The following FCHO1 variants were observed in gnomAD, a reference collection of about 807,000 sequenced individuals.
FCHO1 encodes F-BAR domain only protein 1.
FCHO1 carries 45 observed loss-of-function variants against 114.4 expected under a neutral mutation model. The observed-to-expected ratio is 0.39, with a 90% confidence interval of 0.31 to 0.50. The LOEUF is 0.50. Ranked by LOEUF, FCHO1 falls within the 20% of genes least tolerant of loss-of-function variation. FCHO1 has a pLI of 0.77. For synonymous variants in FCHO1, 480 were observed against 488.9 expected, an observed-to-expected ratio of 0.98 and a Z score of 0.24; for missense variants, 1,042 against 1,209.6, an observed-to-expected ratio of 0.86 and a Z score of 2.06.
At chr19:17,769,065 C>T (rs1370522153) in intron 7 of FCHO1, among the ~76,000 whole-genome samples, 5 of 150,236 alleles carry the variant, frequency 3.3e-5, no homozygotes, top group African/African-American at 4.9e-5. Flanking sequence ...CACCTGAAGT[C>T]GGGAGTTCAA....
chr19:17,747,829 C>G (rs939767578), upstream of FCHO1: 2 of 152,190 alleles, frequency 1.3e-5, no homozygotes, highest in African/African-American at 4.8e-5. Context: ...GTGTTGCCCC[C>G]CGGAACCCCC....
In FCHO1 at chr19:17,775,268, T is replaced by C. The variant is rs982013936; in HGVS notation, c.945+188T>C. ...CCATGGACTACGTGGGTGTGAATAA[T>C]GTCCCTGCCGAAGCTCAGTTTGTCC... On this transcript the variant is annotated intron_variant, in intron 14 of 28. Coordinates refer to ENST00000596536, the MANE Select transcript of FCHO1 (RefSeq NM_015122.3). The surrounding 1 kb of genome is among the most constrained non-coding windows in gnomAD (Gnocchi z 5.1). 4.6e-5 allele frequency among the ~76,000 whole-genome samples: 7 copies of C among 152,142 alleles called. No individual in the cohort carries two copies. The East Asian group carries it at 1.3e-3, about 29-fold the overall frequency.
chr19:17,753,643 T>C (rs2161489), intron 1 of FCHO1: 131,145 of 152,192 alleles, frequency 0.86, 57,145 homozygotes, highest in Middle Eastern at 0.93. Flanking sequence ...GGAGGCTCAA[T>C]GATAATGGGT....
intron 27 of FCHO1, 119 bp from the exon 28 acceptor site, chr19:17,787,563 C>T: frequency 8.6e-7 from 1 of 1,158,796 alleles, no homozygotes; most frequent in Non-Finnish European, 1.2e-6. Context: ...AAAGGGAGGT[C>T]TGATGGGGCA....
At chr19:17,750,977 G>C (rs1445079105), upstream of FCHO1, among the ~76,000 whole-genome samples, 2 of 152,078 alleles carry the variant, frequency 1.3e-5, no homozygotes, top group East Asian at 3.9e-4. Context: ...GAGTAGCTGG[G>C]ACTACAGGCA....
At chr19:17,751,143 T>A (rs565197067), upstream of FCHO1, among the ~76,000 whole-genome samples, 1 of 152,308 alleles carries the variant, frequency 6.6e-6, no homozygotes, top group Admixed American at 6.5e-5. The surrounding 1 kb of genome is among the most constrained non-coding windows in gnomAD (Gnocchi z 4.4). Flanking sequence ...CCTGGCCATG[T>A]CTTCCCCTTT....
In FCHO1 at chr19:17,774,432, C is replaced by T; in HGVS notation, c.874C>T (p.Pro292Ser). The T allele has an allele frequency of 6.2e-7, 1 of 1,613,922 alleles. No homozygotes were observed. The highest frequency in any genetic ancestry group is 8.5e-7 in the Non-Finnish European group (1 of 1,180,026). The change falls in exon 13 of 29, where the codon CCA (proline) becomes TCA (serine). Residue 292 changes from proline to serine, a missense_variant. By Grantham distance (74) the Pro-to-Ser change is moderately conservative. Transcript: ENST00000596536. ...RLRGAKAFRL[P>S]GLSRREREPE... ...GCGGGGAGCCAAGGCCTTTCGCCTT[C>T]CAGGACTAAGCCGGCGGGAGCGGGA...
intron 24 of FCHO1, 126 bp downstream of exon 24, chr19:17,783,298 G>T (rs1157381120): frequency 3.0e-5 from 31 of 1,047,718 alleles, no homozygotes; most frequent in Non-Finnish European, 3.9e-5. Context: ...ACGGAGTCTT[G>T]CTCTGTCGCC....
chr19:17,761,401 CT>C (rs11452853), intron 4 of FCHO1, among the ~76,000 whole-genome samples: 1,595 of 145,724 alleles, frequency 0.011, 38 homozygotes, highest in African/African-American at 0.038. Context: ...ATTTAACACA[CT>C]TTTTTTTTTT....
chr19:17,776,464 A>G lies in FCHO1; in HGVS notation c.1208-171A>G, dbSNP rs1283718422. ...TGAAAGGGGTAGCTGGGGCCAGGAG[A>G]AGCTAGCATCTGGAGACAGGCTCGC... On this transcript the variant is annotated intron_variant, in intron 17 of 28. Transcript: ENST00000596536. This position sits in a 1 kb window ranked among gnomAD's most constrained non-coding sequence, Gnocchi z 4.4. Among the ~76,000 whole-genome samples, 5 of 152,086 alleles carry G rather than the reference A, an allele frequency of 3.3e-5. No individual in the cohort carries two copies. Among genetic ancestry groups the G allele is most frequent in the Admixed American group, 1.3e-4 (2 of 15,262 alleles).
At chr19:17,783,753 G>A (rs1368042646) in intron 24 of FCHO1, among the ~76,000 whole-genome samples, 1 of 151,770 alleles carries the variant, frequency 6.6e-6, no homozygotes, top group Non-Finnish European at 1.5e-5. Context: ...GCTGATTTTT[G>A]TATTTTTAGT....
At chr19:17,754,563 C>T (rs368974589) in intron 2 of FCHO1, 29 bp from the exon 3 acceptor site, 10 of 156,400 alleles carry the variant, frequency 6.4e-5, no homozygotes, top group African/African-American at 2.4e-4. Flanking sequence ...GCCCCTGCAT[C>T]TATTTCTCTT....
chr19:17,764,771 G>A (rs1568332096), intron 6 of FCHO1, among the ~76,000 whole-genome samples: 1 of 152,072 alleles, frequency 6.6e-6, no homozygotes, highest in Non-Finnish European at 1.5e-5. Context: ...GAGGTGAAAA[G>A]TGCTGGGAAG....
At chr19:17,755,396 T>C in intron 4 of FCHO1, 1 of 540,678 alleles carries the variant, frequency 1.8e-6, no homozygotes, top group Non-Finnish European at 3.3e-6. Context: ...GGGCAAGTCA[T>C]AGCTTGTGTC....
chr19:17,752,657 G>C (rs1286132693), intron 1 of FCHO1, among the ~76,000 whole-genome samples: 1 of 151,864 alleles, frequency 6.6e-6, no homozygotes, highest in African/African-American at 2.4e-5. Flanking sequence ...CCAGCACTTT[G>C]GGGGTCCCAG....
At position 17,776,204 on chromosome 19, in the gene FCHO1, G is replaced by A; in HGVS notation, c.1182+43G>A. On this transcript the variant is annotated intron_variant, in intron 16 of 28. Coordinates refer to ENST00000596536, the MANE Select transcript of FCHO1 (RefSeq NM_015122.3). The surrounding 1 kb of genome is among the most constrained non-coding windows in gnomAD (Gnocchi z 4.4). ...TGCCCTGGGTGTTGCTAGAGAGGCT[G>A]GCTGGATGCATTCGTGTGTGATGTT... 6.2e-7 allele frequency: 1 copy of A among 1,614,104 alleles called. No homozygotes were observed.
chr19:17,756,047 A>G (rs200655183), intron 4 of FCHO1, among the ~76,000 whole-genome samples: 2 of 152,212 alleles, frequency 1.3e-5, no homozygotes, highest in East Asian at 3.8e-4. Flanking sequence ...GGACCAGGTC[A>G]GAAAGCCCCT....
chr19:17,779,557 G>A (rs1474554906), intron 20 of FCHO1, among the ~76,000 whole-genome samples: 1 of 149,518 alleles, frequency 6.7e-6, no homozygotes, highest in East Asian at 2.0e-4. Context: ...CGGAGTCAAG[G>A]GAGGGAGGAG....
chr19:17,768,569 C>A (rs2090213802), intron 7 of FCHO1, among the ~76,000 whole-genome samples: 1 of 151,916 alleles, frequency 6.6e-6, no homozygotes, highest in Non-Finnish European at 1.5e-5. Context: ...GCACACACAC[C>A]TGTAATCCCA....
Sources: allele counts gnomAD v4.1 joint callset (sites outside exome capture counted in the v4.1 genomes callset), GRCh38; gene constraint gnomAD v4.1.1; non-coding constraint Gnocchi (gnomAD v3.1); transcripts MANE v1.5; gene names NCBI Gene and HGNC (gene_info 2026-07-23, HGNC 2026-07-21).